The following ATP6V1C2 variants were observed in gnomAD, a reference collection of about 807,000 sequenced individuals.
The protein encoded by ATP6V1C2 is ATPase H+ transporting V1 subunit C2.
ATP6V1C2 carries 45 observed loss-of-function variants against 56.8 expected under a neutral mutation model. That is an observed-to-expected ratio of 0.79 (90% CI 0.62 to 1.02). ATP6V1C2 has a LOEUF of 1.02. Among genes scored for constraint, ATP6V1C2 ranks in the 50% least tolerant of loss-of-function variants. The pLI is 0.00. For synonymous variants in ATP6V1C2, 220 were observed against 201.3 expected (o/e 1.09, Z -0.79); for missense variants, 463 against 519.7 (o/e 0.89, Z 1.06).
chr2:10,747,713 G>A (rs1388047820), intron 3 of ATP6V1C2, among the ~76,000 whole-genome samples: 1 of 150,284 alleles, frequency 6.7e-6, no homozygotes, highest in African/African-American at 2.5e-5. Context: ...AAAAAAAAAA[G>A]CACACTTTCT....
chr2:10,724,490 G>C (rs1178570431), intron 2 of ATP6V1C2, among the ~76,000 whole-genome samples: 4 of 152,086 alleles, frequency 2.6e-5, no homozygotes, highest in African/African-American at 9.7e-5. Context: ...AATGGACACT[G>C]TACGGGTGAG....
intron 3 of ATP6V1C2, among the ~76,000 whole-genome samples, chr2:10,738,651 G>A (rs547697662): frequency 1.4e-4 from 22 of 152,200 alleles, no homozygotes; most frequent in African/African-American, 4.8e-4. Context: ...TTATTTTCAC[G>A]AGCTTCAGGG....
At chr2:10,755,284 C>G (rs1002647888) in intron 4 of ATP6V1C2, among the ~76,000 whole-genome samples, 4 of 151,828 alleles carry the variant, frequency 2.6e-5, no homozygotes, top group African/African-American at 9.6e-5. Flanking sequence ...GATCCGCCCG[C>G]CCTGGTCTCC....
chr2:10,743,038 G>A (rs1662652518), intron 3 of ATP6V1C2, among the ~76,000 whole-genome samples: 1 of 152,218 alleles, frequency 6.6e-6, no homozygotes. Flanking sequence ...GACTATCGAG[G>A]TAAGGGGCTG....
chr2:10,746,403 T>C (rs1231469578), intron 3 of ATP6V1C2, among the ~76,000 whole-genome samples: 1 of 152,014 alleles, frequency 6.6e-6, no homozygotes, highest in Non-Finnish European at 1.5e-5. Flanking sequence ...ATTTCCTTTT[T>C]TTTTTCTTCT....
At chr2:10,726,264 T>C (rs1202041872) in intron 2 of ATP6V1C2, among the ~76,000 whole-genome samples, 1 of 152,246 alleles carries the variant, frequency 6.6e-6, no homozygotes, top group Non-Finnish European at 1.5e-5. Flanking sequence ...GGTAACATCA[T>C]AGTCACTCCT....
chr2:10,765,374 C>T (rs1339549035), intron 5 of ATP6V1C2, among the ~76,000 whole-genome samples: 1 of 152,232 alleles, frequency 6.6e-6, no homozygotes, highest in Non-Finnish European at 1.5e-5. Flanking sequence ...TCCCTTCTGC[C>T]ACAAAACACT....
intron 3 of ATP6V1C2, among the ~76,000 whole-genome samples, chr2:10,730,881 G>T (rs182832842): frequency 6.6e-6 from 1 of 151,982 alleles, no homozygotes; most frequent in Non-Finnish European, 1.5e-5. Context: ...TCAAACTCCC[G>T]ATCTCAGGTG....
At chr2:10,728,164 C>T (rs1200093454) in intron 3 of ATP6V1C2, among the ~76,000 whole-genome samples, 3 of 152,196 alleles carry the variant, frequency 2.0e-5, no homozygotes, top group Non-Finnish European at 4.4e-5. Context: ...TCAGTGCAGC[C>T]TTGAACTCCT....
intron 3 of ATP6V1C2, among the ~76,000 whole-genome samples, chr2:10,731,841 G>A (rs1427294803): frequency 6.6e-6 from 1 of 152,230 alleles, no homozygotes; most frequent in East Asian, 1.9e-4. Flanking sequence ...AGGTGTGGTG[G>A]TGCATGCCTG....
At chr2:10,729,227 C>T (rs1044790156) in intron 3 of ATP6V1C2, among the ~76,000 whole-genome samples, 16 of 149,776 alleles carry the variant, frequency 1.1e-4, no homozygotes, top group Admixed American at 4.7e-4. Flanking sequence ...TAGAGTAGCA[C>T]GATCTGGGCT....
intron 6 of ATP6V1C2, among the ~76,000 whole-genome samples, chr2:10,770,672 C>CA (rs1223575576): frequency 1.3e-5 from 2 of 152,242 alleles, no homozygotes; most frequent in African/African-American, 4.8e-5. Context: ...TGGTGAGGTT[C>CA]ATTCATCCAT....
At chr2:10,771,997 C>T (rs545805884) in intron 7 of ATP6V1C2, 60 bp downstream of exon 7, 157 of 1,468,584 alleles carry the variant, frequency 1.1e-4, no homozygotes, top group Non-Finnish European at 1.4e-4. Context: ...AAGGTGGACC[C>T]GTTGGTGACT....
intron 11 of ATP6V1C2, 103 bp downstream of exon 11, chr2:10,777,825 A>C: frequency 7.1e-7 from 1 of 1,408,274 alleles, no homozygotes; most frequent in Non-Finnish European, 9.5e-7. Context: ...GTTCTCTAAT[A>C]TGGCTTTTGA....
Position 10,764,339 on chromosome 2 carries a change from A to G in ATP6V1C2, c.292A>G (p.Thr98Ala), listed in dbSNP as rs761766650. 1.9e-6 allele frequency: 3 copies of G among 1,613,184 alleles called. No individual in the cohort carries two copies. In the East Asian group the frequency reaches 6.7e-5, roughly 36 times the overall value. ...EHLLANGVDL[T>A]SFVTHFEWDM... ...TGTTTGTATTCTTCCAGTTGACTTA[A>G]CATCCTTTGTGACCCACTTTGAATG... Residue 98 changes from threonine (T) to alanine (A), a missense_variant, in exon 5 of 14, where the codon ACA (threonine) becomes GCA (alanine). By Grantham distance (58) the Thr-to-Ala change is moderately conservative. Transcript: ENST00000272238.
At chr2:10,781,981 G>A (rs995083254) in intron 12 of ATP6V1C2, among the ~76,000 whole-genome samples, 1 of 152,204 alleles carries the variant, frequency 6.6e-6, no homozygotes, top group Non-Finnish European at 1.5e-5. Context: ...AGCATGCACC[G>A]TGGAATGGCC....
chr2:10,769,362 G>A (rs1664440350), intron 6 of ATP6V1C2, among the ~76,000 whole-genome samples: 1 of 152,218 alleles, frequency 6.6e-6, no homozygotes. Context: ...ACCGTGGCAG[G>A]GACTGTCTTG....
chr2:10,730,607 GTTTTTT>G (rs60355432), intron 3 of ATP6V1C2, among the ~76,000 whole-genome samples: 1 of 118,678 alleles, frequency 8.4e-6, no homozygotes, highest in Non-Finnish European at 1.7e-5. Context: ...TTCACAGTGG[GTTTTTT>G]TTTTTTTTTT....
At chr2:10,747,177 A>C (rs1662963130) in intron 3 of ATP6V1C2, among the ~76,000 whole-genome samples, 1 of 152,144 alleles carries the variant, frequency 6.6e-6, no homozygotes, top group Non-Finnish European at 1.5e-5. Flanking sequence ...CTGAGGCAGG[A>C]GAATTGCTTG....
Sources: allele counts gnomAD v4.1 joint callset (sites outside exome capture counted in the v4.1 genomes callset), GRCh38; gene constraint gnomAD v4.1.1; transcripts MANE v1.5; gene names NCBI Gene and HGNC (gene_info 2026-07-23, HGNC 2026-07-21).